NRXN1: variants seen among roughly 807,000 people sequenced by gnomAD.
NRXN1 encodes neurexin-1.
A neutral mutation model predicts 150.9 loss-of-function variants in NRXN1; 39 were observed. The ratio of observed to expected loss-of-function variants is 0.26; its 90% CI spans 0.20 to 0.34. The LOEUF (loss-of-function observed/expected upper bound fraction) is 0.34. Among genes scored for constraint, NRXN1 ranks in the 10% least tolerant of loss-of-function variants. The pLI is 1.00. For missense variants in NRXN1, 1,815 were observed against 1,949.9 expected (o/e 0.93, Z 1.30); for synonymous variants, 924 against 757.0 (o/e 1.22, Z -3.62).
chr2:50,623,584 T>C lies in NRXN1; in HGVS notation c.864A>G (p.Gly288=), dbSNP rs373654735. The part of the protein sequence containing the change: ...GKEEYIATFK[G]SEYFCYDLSQ... The stretch of plus-strand genomic sequence containing the variant: ...ACAAGTCGTAGCAGAAGTATTCAGA[T>C]CCTTTGAACGTGGCAATATATTCTT... Residue 288 remains glycine (G), a synonymous_variant, in exon 6 of 23, where the codon GGA becomes GGG. Transcript: ENST00000401669. The C allele has an allele frequency of 3.7e-5, 59 of 1,612,426 alleles. No individual in the cohort carries two copies. The highest frequency in any genetic ancestry group is 1.3e-4 in the Admixed American group (8 of 59,872).
intron 17 of NRXN1, among the ~76,000 whole-genome samples, chr2:50,432,083 T>C (rs2085015228): frequency 6.6e-6 from 1 of 152,184 alleles, no homozygotes; most frequent in African/African-American, 2.4e-5. Context: ...GCTAGCAATT[T>C]GCGGAGAAGA....
intron 21 of NRXN1, among the ~76,000 whole-genome samples, chr2:50,047,775 A>G (rs1692061172): frequency 6.6e-6 from 1 of 151,256 alleles, no homozygotes; most frequent in Non-Finnish European, 1.5e-5. Context: ...TCTATTGCCC[A>G]TCTTCTCCAA....
intron 5 of NRXN1, among the ~76,000 whole-genome samples, chr2:50,851,823 C>T (rs140442968): frequency 1.2e-3 from 190 of 152,276 alleles, no homozygotes; most frequent in African/African-American, 4.4e-3. Context: ...CGAAAGGACC[C>T]TTAAATTCTG....
At chr2:50,835,368 T>C (rs978931824) in intron 5 of NRXN1, among the ~76,000 whole-genome samples, 14 of 152,314 alleles carry the variant, frequency 9.2e-5, no homozygotes, top group South Asian at 4.1e-4. Context: ...CGATTTCTTA[T>C]GTAATCCTAC....
intron 22 of NRXN1, among the ~76,000 whole-genome samples, chr2:49,942,670 C>T (rs1217197984): frequency 3.3e-5 from 5 of 151,802 alleles, no homozygotes; most frequent in East Asian, 3.9e-4. Flanking sequence ...AGTGCAGTGG[C>T]GTGATCTTGG....
intron 5 of NRXN1, chr2:50,656,462 G>C: frequency 1.3e-6 from 1 of 746,858 alleles, no homozygotes; most frequent in Non-Finnish European, 2.5e-6. Context: ...ATTCTTTTCA[G>C]TTTTTGCTCT....
At chr2:50,719,539 G>A (rs933074213) in intron 5 of NRXN1, among the ~76,000 whole-genome samples, 1 of 151,838 alleles carries the variant, frequency 6.6e-6, no homozygotes, top group Non-Finnish European at 1.5e-5. Flanking sequence ...AGCCATGCAT[G>A]GTGGCATACG....
intron 2 of NRXN1, among the ~76,000 whole-genome samples, chr2:50,994,754 G>A (rs1430122748): frequency 1.3e-5 from 2 of 151,914 alleles, no homozygotes; most frequent in African/African-American, 2.4e-5. Flanking sequence ...TTTTTAAAAA[G>A]CATAAATTCA....
chr2:50,231,859 C>T (rs1033482605), intron 18 of NRXN1, among the ~76,000 whole-genome samples: 2 of 93,676 alleles, frequency 2.1e-5, no homozygotes, highest in African/African-American at 1.1e-4. Context: ...CTAGATATAT[C>T]TTATATAATA....
chr2:50,619,723 C>G (rs1679651497), intron 8 of NRXN1: 1 of 401,966 alleles, frequency 2.5e-6, no homozygotes, highest in African/African-American at 2.1e-5. Flanking sequence ...CCATTTAGCT[C>G]AACTTTAGAC....
At chr2:50,642,677 A>T (rs1034119523) in intron 5 of NRXN1, among the ~76,000 whole-genome samples, 3 of 152,016 alleles carry the variant, frequency 2.0e-5, no homozygotes, top group Non-Finnish European at 4.4e-5. Context: ...TTCTGTTATT[A>T]GTATTACTGT....
intron 8 of NRXN1, among the ~76,000 whole-genome samples, chr2:50,558,805 A>C (rs1668615690): frequency 6.6e-6 from 1 of 152,182 alleles, no homozygotes. Flanking sequence ...CAGGCCTGTA[A>C]TCCCAGCACT....
rs568863499 is a variant in NRXN1 at position 50,846,653 on chromosome 2, T to C, written c.832+75216A>G. Among the ~76,000 whole-genome samples, 54 of 152,300 alleles carry C rather than the reference T, an allele frequency of 3.5e-4. No homozygotes were observed. The South Asian group carries it at 8.7e-3, about 25-fold the overall frequency. On this transcript the variant is annotated intron_variant, in intron 5 of 22. Transcript: ENST00000401669. ...ATATTTTCTGGGAGCAGTTGTACCATGGAATTCCTCAAATTGTTTTTACTA... is the reference window on the plus strand; with the variant it reads ...ATATTTTCTGGGAGCAGTTGTACCACGGAATTCCTCAAATTGTTTTTACTA...
intron 5 of NRXN1, among the ~76,000 whole-genome samples, chr2:50,746,502 G>A (rs528541979): frequency 8.6e-4 from 131 of 152,052 alleles, no homozygotes; most frequent in African/African-American, 3.1e-3. Flanking sequence ...AGGCTGCAGT[G>A]AGCCATGATT....
intron 5 of NRXN1, among the ~76,000 whole-genome samples, chr2:50,690,399 G>C (rs994498063): frequency 6.6e-6 from 1 of 152,148 alleles, no homozygotes; most frequent in Non-Finnish European, 1.5e-5. Flanking sequence ...AATTGTGATA[G>C]TCCTCTTTAT....
chr2:50,278,516 G>A (rs995835997), intron 17 of NRXN1, among the ~76,000 whole-genome samples: 9 of 150,504 alleles, frequency 6.0e-5, no homozygotes, highest in East Asian at 2.0e-4. Context: ...GAGTGAAACC[G>A]TTTGAATTGG....
intron 2 of NRXN1, among the ~76,000 whole-genome samples, chr2:50,998,440 A>G (rs919571696): frequency 2.0e-5 from 3 of 152,096 alleles, no homozygotes; most frequent in Admixed American, 1.3e-4. Flanking sequence ...TGGAAGTGCC[A>G]AAATGATTTG....
intron 18 of NRXN1, among the ~76,000 whole-genome samples, chr2:50,202,698 A>G (rs1342669229): frequency 6.6e-6 from 1 of 152,154 alleles, no homozygotes; most frequent in African/African-American, 2.4e-5. Flanking sequence ...ATTAAGGAGG[A>G]GATGATATAT....
At chr2:50,584,258 A>C (rs1672748639) in intron 8 of NRXN1, among the ~76,000 whole-genome samples, 1 of 152,164 alleles carries the variant, frequency 6.6e-6, no homozygotes, top group Non-Finnish European at 1.5e-5. Flanking sequence ...GCAAGCCGAA[A>C]ACTATCCCTT....
Sources: gnomAD v4.1 joint callset for allele counts (sites outside exome capture counted in the v4.1 genomes callset) on GRCh38, gnomAD v4.1.1 for gene constraint, MANE v1.5 for transcripts, NCBI Gene and HGNC (gene_info 2026-07-23, HGNC 2026-07-21) for gene names.